SCP2: variants seen among roughly 807,000 people sequenced by gnomAD.
The protein encoded by SCP2 is SCP-2/3-oxoacyl-CoA thiolase.
A neutral mutation model predicts 71.4 loss-of-function variants in SCP2; 48 were observed. The observed-to-expected ratio is 0.67, with a 90% CI of 0.53 to 0.86. The LOEUF (loss-of-function observed/expected upper bound fraction) is 0.86, where lower values mean the gene tolerates loss of function less well. Ranked by LOEUF, SCP2 falls within the 40% of genes least tolerant of loss-of-function variation. SCP2 has a pLI of 0.00. For synonymous variants in SCP2, 220 were observed against 218.1 expected, an observed-to-expected ratio of 1.01 and a Z score of -0.08; for missense variants, 560 against 655.6, an observed-to-expected ratio of 0.85 and a Z score of 1.59.
chr1:52,997,502 T>A (rs754114188), intron 11 of SCP2, among the ~76,000 whole-genome samples: 1 of 152,202 alleles, frequency 6.6e-6, no homozygotes, highest in Admixed American at 6.5e-5. Flanking sequence ...ATGAAAGGAA[T>A]GAGGTACCGA....
intron 10 of SCP2, among the ~76,000 whole-genome samples, chr1:52,987,547 A>T (rs1572145221): frequency 6.6e-6 from 1 of 152,140 alleles, no homozygotes; most frequent in Non-Finnish European, 1.5e-5. Flanking sequence ...CTTTAACCTT[A>T]CTTTTGTGGC....
chr1:52,953,692 T>G (rs1655524307), intron 4 of SCP2, among the ~76,000 whole-genome samples: 1 of 151,966 alleles, frequency 6.6e-6, no homozygotes. Context: ...TCTCTATAAT[T>G]TTTCTGTTAT....
intron 14 of SCP2, among the ~76,000 whole-genome samples, chr1:53,039,733 C>T (rs1301081644): frequency 1.3e-5 from 2 of 152,202 alleles, no homozygotes; most frequent in African/African-American, 4.8e-5. Flanking sequence ...TTCCAAGGCT[C>T]AGTTCTATTT....
chr1:52,954,379 T>C (rs904834837), intron 4 of SCP2, among the ~76,000 whole-genome samples: 1 of 151,946 alleles, frequency 6.6e-6, no homozygotes, highest in African/African-American at 2.4e-5. Flanking sequence ...TTATAGTATG[T>C]TTTTATATTT....
chr1:52,998,701 A>G (rs903932574), intron 11 of SCP2, among the ~76,000 whole-genome samples: 1 of 152,242 alleles, frequency 6.6e-6, no homozygotes, highest in Admixed American at 6.5e-5. Flanking sequence ...AGGGTAGTAT[A>G]CATTTAAAAA....
chr1:52,978,716 C>T (rs1658205179), intron 9 of SCP2, among the ~76,000 whole-genome samples: 1 of 152,056 alleles, frequency 6.6e-6, no homozygotes, highest in Non-Finnish European at 1.5e-5. Flanking sequence ...GCACATGCCA[C>T]GACTGCCGGC....
intron 11 of SCP2, chr1:52,994,102 T>G (rs768538107): frequency 1.0e-4 from 109 of 1,069,960 alleles, no homozygotes; most frequent in Non-Finnish European, 1.2e-4. Flanking sequence ...TTTTCTGCCT[T>G]TGGTAAATAG....
rs143184935 is a variant in SCP2, at chr1:53,047,936, C to T, written c.1547C>T (p.Ser516Leu). 18 of 1,606,002 alleles carry T rather than the reference C, an allele frequency of 1.1e-5. No individual in the cohort carries two copies. The highest frequency in any genetic ancestry group is 8.9e-5 in the East Asian group (4 of 44,834). ...ALMTGKMNPQ[S>L]AFFQGKLKIT... ...ATGACTGGTAAAATGAATCCTCAGT[C>T]GGTAAGTATGATGGAGCTTATATCC... The change falls in exon 15 of 16, where the codon TCG (serine) becomes TTG (leucine). Residue 516 changes from serine (S) to leucine (L), a missense_variant and splice_region_variant. By Grantham distance (145) the Ser-to-Leu change is moderately radical. This residue lies in a region of SCP2 where 43 missense variants were observed against 65.9 expected (regional missense o/e 0.65). Transcript: ENST00000371514.
rs1286447936 is a variant in SCP2, at chr1:53,013,429, A to AG, written c.1082-1461_1082-1460insG. Among the ~76,000 whole-genome samples, 12 of 146,462 alleles carry AG rather than the reference A, an allele frequency of 8.2e-5. No individual in the cohort carries two copies. The Admixed American group carries it at 8.4e-4, about 10-fold the overall frequency. The stretch of plus-strand genomic sequence containing the variant: ...TGAAACCCCGTCTCTACTAAAAAAA[A>AG]AAAAAAAAAAAAAAAAATAGCTGGG... On this transcript the variant is annotated intron_variant, in intron 11 of 15. Coordinates refer to ENST00000371514, the MANE Select transcript of SCP2 (RefSeq NM_002979.5).
At chr1:53,012,620 G>A (rs1288004847) in intron 11 of SCP2, among the ~76,000 whole-genome samples, 1 of 152,008 alleles carries the variant, frequency 6.6e-6, no homozygotes, top group Non-Finnish European at 1.5e-5. Flanking sequence ...AGCTTTGTGT[G>A]TAAAACTTTC....
At chr1:52,937,775 G>T (rs1198687491) in intron 1 of SCP2, among the ~76,000 whole-genome samples, 2 of 152,208 alleles carry the variant, frequency 1.3e-5, no homozygotes. Flanking sequence ...ATCTTGGGAG[G>T]GTTCTCAGCT....
rs774694600 is a variant in SCP2 at position 52,976,743 on chromosome 1, T to C, written c.648T>C (p.Phe216=). ...LDEVMASKEV[F]DFLTILQCCP... is the part of the protein sequence containing the mutation. ...AAGTGATGGCATCTAAAGAAGTTTT[T>C]GATTTTTTGACTATCTTACAATGTT... Residue 216 remains phenylalanine (F), a synonymous_variant, in exon 8 of 16, where the codon TTT becomes TTC. Transcript: ENST00000371514. The C allele has an allele frequency of 3.4e-5, 52 of 1,547,366 alleles. No individual in the cohort carries two copies. The South Asian group carries it at 3.8e-4, about 11-fold the overall frequency.
Position 52,950,785 on chromosome 1 carries a change from A to G in SCP2, c.230A>G (p.Tyr77Cys), listed in dbSNP as rs138573524. The G allele has an allele frequency of 1.6e-5, 26 of 1,613,730 alleles. No individual in the cohort carries two copies. The highest frequency in any genetic ancestry group is 1.6e-4 in the African/African-American group (12 of 74,924). ...GDSTCGQRAI[Y>C]HSLGMTGIPI... ...TCTACCTGTGGGCAGAGGGCTATCT[A>G]TCACAGTTTGGGAATGACTGGAATT... The change falls in exon 4 of 16, where the codon TAT (tyrosine) becomes TGT (cysteine). Residue 77 changes from tyrosine to cysteine, a missense_variant. By Grantham distance (194) the Tyr-to-Cys change is radical. Transcript: ENST00000371514.
At chr1:53,003,250 G>A (rs980042740) in intron 11 of SCP2, among the ~76,000 whole-genome samples, 6 of 152,052 alleles carry the variant, frequency 3.9e-5, no homozygotes, top group Admixed American at 1.3e-4. Context: ...CCAGGATTTC[G>A]CTCTGTTGCT....
chr1:52,965,825 T>A (rs539970178), intron 6 of SCP2, among the ~76,000 whole-genome samples: 2 of 151,722 alleles, frequency 1.3e-5, no homozygotes, highest in East Asian at 1.9e-4. Flanking sequence ...TTTTTTTTTT[T>A]ATTAGAGACC....
At chr1:52,994,921 G>C (rs1659816305) in intron 11 of SCP2, 1 of 522,024 alleles carries the variant, frequency 1.9e-6, no homozygotes, top group African/African-American at 1.9e-5. Context: ...TGCTAACCTG[G>C]TGGATCTAGA....
At chr1:52,988,778 C>T (rs184343682) in intron 11 of SCP2, among the ~76,000 whole-genome samples, 1,739 of 151,766 alleles carry the variant, frequency 0.011, 37 homozygotes, top group African/African-American at 0.039. Context: ...CCCTGCCTCC[C>T]GGGTTCAAGC....
At chr1:52,953,345 CT>C (rs1474310025) in intron 4 of SCP2, among the ~76,000 whole-genome samples, 1 of 151,952 alleles carries the variant, frequency 6.6e-6, no homozygotes, top group African/African-American at 2.4e-5. Flanking sequence ...GATTTTTCCT[CT>C]TTTCTTTTTT....
chr1:53,047,913 G>T lies in SCP2; in HGVS notation c.1524G>T (p.Met508Ile). Residue 508 changes from methionine (M) to isoleucine (I), a missense_variant, in exon 15 of 16, where the codon ATG (methionine) becomes ATT (isoleucine). By Grantham distance (10) the Met-to-Ile change is conservative. Transcript: ENST00000371514. Reference sequence around the variant, plus strand: ...CTGACTCAGACTTCCTGGCTTTAATGACTGGTAAAATGAATCCTCAGTCGG... The same window carrying T: ...CTGACTCAGACTTCCTGGCTTTAATTACTGGTAAAATGAATCCTCAGTCGG... ...TMADSDFLAL[M>I]TGKMNPQSAF... 6.2e-7 allele frequency: 1 copy of T among 1,613,166 alleles called. No individual in the cohort carries two copies. Among genetic ancestry groups the T allele is most frequent in the South Asian group, 1.1e-5 (1 of 91,040 alleles).
Sources: gnomAD v4.1 joint callset for allele counts (sites outside exome capture counted in the v4.1 genomes callset) on GRCh38, gnomAD v4.1.1 for gene constraint, gnomAD v4.1.1 regional missense constraint, MANE v1.5 for transcripts, NCBI Gene and HGNC (gene_info 2026-07-23, HGNC 2026-07-21) for gene names.